PMM2: variants seen among roughly 807,000 people sequenced by gnomAD.
PMM2 encodes the protein phosphomannomutase 2, also known as mannose-6-phosphate isomerase.
PMM2 carries 35 observed loss-of-function variants against 33.2 expected under a neutral mutation model. The ratio of observed to expected loss-of-function variants is 1.06; its 90% CI spans 0.81 to 1.40. PMM2 has a LOEUF of 1.40. PMM2 is among the 40% of genes most tolerant of loss of function. The probability of loss-of-function intolerance (pLI) is 0.00; values close to 1 mark genes in which losing one functional copy is unlikely to be tolerated. For synonymous variants in PMM2, 153 were observed against 114.7 expected, an observed-to-expected ratio of 1.33 and a Z score of -2.13; for missense variants, 386 against 306.0, an observed-to-expected ratio of 1.26 and a Z score of -1.95.
At chr16:8,835,878 G>A (rs995402000) in intron 7 of PMM2, among the ~76,000 whole-genome samples, 13 of 151,956 alleles carry the variant, frequency 8.6e-5, no homozygotes, top group East Asian at 5.8e-4. Flanking sequence ...TAAGGTTGGG[G>A]GATACAAGAG....
chr16:8,836,486 G>C lies in PMM2; in HGVS notation c.640-11238G>C, dbSNP rs937270036. On this transcript the variant is annotated intron_variant, in intron 7 of 7. Coordinates refer to ENST00000268261, the MANE Select transcript of PMM2 (RefSeq NM_000303.3). ...TTTCCAGCACGTGTAGCAAGCTCCTGGGGGAGGAGGTTCTGGAGGAACGCC... is the reference window on the plus strand; with the variant it reads ...TTTCCAGCACGTGTAGCAAGCTCCTCGGGGAGGAGGTTCTGGAGGAACGCC... Among the ~76,000 whole-genome samples the C allele has an allele frequency of 6.6e-5, 10 of 152,184 alleles. No individual in the cohort carries two copies. The East Asian group carries it at 1.9e-3, about 29-fold the overall frequency.
rs923499720 is a variant in PMM2 at position 8,847,804 on chromosome 16, C to A, written c.720C>A (p.Ile240=). The A allele has an allele frequency of 1.9e-6, 3 of 1,613,040 alleles. No homozygotes were observed. Among genetic ancestry groups the A allele is most frequent in the East Asian group, 2.2e-5 (1 of 44,902 alleles). The change falls in exon 8 of 8, where the codon ATC becomes ATA. Residue 240 remains isoleucine (I), a synonymous_variant. Transcript: ENST00000268261. ...SVTAPEDTRR[I]CELLFS ...CAGCGCCTGAGGACACGCGCAGGAT[C>A]TGTGAACTGCTGTTCTCCTAACGTG...
intron 6 of PMM2, among the ~76,000 whole-genome samples, chr16:8,812,346 C>T (rs974437712): frequency 6.6e-6 from 1 of 152,188 alleles, no homozygotes; most frequent in Admixed American, 6.5e-5. Flanking sequence ...CTTTGCACAC[C>T]GATTTCTCTT....
At position 8,849,317 on chromosome 16, in the gene PMM2, T is replaced by A. The variant is rs2060950767; in HGVS notation, c.*1492T>A. On this transcript the variant is annotated 3_prime_UTR_variant, in exon 8 of 8. Transcript: ENST00000268261. The stretch of plus-strand genomic sequence containing the variant: ...GTGAAGAGTAGCACATTAAAGTGAT[T>A]TTATTGTTTCCTGTTTCTCATTCCG... The A allele has an allele frequency of 6.6e-6, 1 of 152,218 alleles. No homozygotes were observed. Among genetic ancestry groups the A allele is most frequent in the Non-Finnish European group, 1.5e-5 (1 of 68,036 alleles). The allele number at this position is 152,218 out of a possible 1,614,324, so 9.4% of individuals were successfully genotyped here.
rs377683162 is a variant in PMM2 at position 8,813,102 on chromosome 16, T to G, written c.635T>G (p.Met212Arg). The change falls in exon 7 of 8, where the codon ATG becomes AGG. Residue 212 changes from methionine (M) to arginine (R), a missense_variant. Transcript: ENST00000268261. Reference protein sequence around the residue: ...KTIYFFGDKTMPGGNDHEIFT... With the variant: ...KTIYFFGDKTRPGGNDHEIFT... ...ATTTATTTCTTTGGAGACAAAACTATGCCAGTAAGTAGAGAAGTGTTTGTG... is the reference window on the plus strand; with the variant it reads ...ATTTATTTCTTTGGAGACAAAACTAGGCCAGTAAGTAGAGAAGTGTTTGTG... 6.4e-7 allele frequency: 1 copy of G among 1,564,026 alleles called. No homozygotes were observed. The highest frequency in any genetic ancestry group is 1.7e-5 in the Admixed American group (1 of 59,972).
At chr16:8,810,208 A>C (rs1373434396) in intron 4 of PMM2, 1 of 152,228 alleles carries the variant, frequency 6.6e-6, no homozygotes, top group Non-Finnish European at 1.5e-5. Flanking sequence ...GCTGTCTGCT[A>C]CTGGGTAAAT....
chr16:8,802,009 A>G (rs1198548094), intron 2 of PMM2, 99 bp downstream of exon 2: 2 of 829,794 alleles, frequency 2.4e-6, no homozygotes, highest in Admixed American at 2.0e-5. Flanking sequence ...TTGTCCCCAT[A>G]TGGCGGGCTT....
At chr16:8,838,934 G>A (rs1035346960) in intron 7 of PMM2, among the ~76,000 whole-genome samples, 1 of 151,946 alleles carries the variant, frequency 6.6e-6, no homozygotes, top group Non-Finnish European at 1.5e-5. Context: ...GAGTAAGCAA[G>A]GCCTCGGTGG....
At chr16:8,800,945 A>G (rs923931249) in intron 1 of PMM2, among the ~76,000 whole-genome samples, 2 of 152,228 alleles carry the variant, frequency 1.3e-5, no homozygotes, top group African/African-American at 4.8e-5. Context: ...GGCCTCCTAA[A>G]GTGCCGGGAT....
Position 8,834,002 on chromosome 16 carries a change from A to G in PMM2, c.640-13722A>G, listed in dbSNP as rs188315800. Among the ~76,000 whole-genome samples the G allele has an allele frequency of 9.9e-4, 149 of 151,242 alleles. 5 individuals carry two copies. Among genetic ancestry groups the G allele is most frequent in the Middle Eastern group, 3.4e-3 (1 of 294 alleles). On this transcript the variant is annotated intron_variant, in intron 7 of 7. Coordinates refer to ENST00000268261, the MANE Select transcript of PMM2 (RefSeq NM_000303.3). ...GAGTAGTTGAGAATGGCGAATAGGAATATGACTAGACAGGAGATAGTAGGG... is the reference window on the plus strand; with the variant it reads ...GAGTAGTTGAGAATGGCGAATAGGAGTATGACTAGACAGGAGATAGTAGGG...
At chr16:8,839,872 G>T (rs1266779043) in intron 7 of PMM2, among the ~76,000 whole-genome samples, 1 of 16,012 alleles carries the variant, frequency 6.2e-5, no homozygotes, top group Non-Finnish European at 2.0e-4. Flanking sequence ...AATATGGGGG[G>T]AGAAAGGAGA....
In PMM2 at chr16:8,848,019, C is replaced by A; in HGVS notation, c.*194C>A. 1.7e-6 allele frequency: 1 copy of A among 598,668 alleles called. No homozygotes were observed. The highest frequency in any genetic ancestry group is 2.9e-5 in the East Asian group (1 of 34,874). The allele number at this position is 598,668 out of a possible 1,614,324, so 37.1% of individuals were successfully genotyped here. A position where few individuals can be genotyped will look rare whatever the true frequency, so the allele number is the denominator to read the frequency against. ...CCAGAAGGAAGGAGAAAACTCTTGTCAAGAATGGCCCAGAGGAATGCCTCG... is the reference window on the plus strand; with the variant it reads ...CCAGAAGGAAGGAGAAAACTCTTGTAAAGAATGGCCCAGAGGAATGCCTCG... On this transcript the variant is annotated 3_prime_UTR_variant, in exon 8 of 8. Transcript: ENST00000268261.
At chr16:8,834,262 T>C (rs572264477) in intron 7 of PMM2, among the ~76,000 whole-genome samples, 1 of 152,156 alleles carries the variant, frequency 6.6e-6, no homozygotes, top group Admixed American at 6.5e-5. Flanking sequence ...ATTCTACCTT[T>C]CCTGAAGATT....
intron 2 of PMM2, among the ~76,000 whole-genome samples, chr16:8,803,419 T>C (rs2060627057): frequency 6.6e-6 from 1 of 152,228 alleles, no homozygotes; most frequent in Non-Finnish European, 1.5e-5. Context: ...TTTTGTGTAG[T>C]GTAGCATAGT....
intron 7 of PMM2, among the ~76,000 whole-genome samples, chr16:8,819,620 A>G (rs1242128398): frequency 6.6e-6 from 1 of 151,790 alleles, no homozygotes; most frequent in African/African-American, 2.4e-5. Flanking sequence ...ACTTGAGCCT[A>G]GGAGTTCAAG....
chr16:8,844,743 TCTC>T (rs909067737), intron 7 of PMM2, among the ~76,000 whole-genome samples: 39 of 151,998 alleles, frequency 2.6e-4, no homozygotes, highest in African/African-American at 8.9e-4. Flanking sequence ...AGATAAAACG[TCTC>T]CTTTGTCTCT....
intron 7 of PMM2, chr16:8,847,507 C>T: frequency 1.8e-6 from 1 of 569,298 alleles, no homozygotes; most frequent in Non-Finnish European, 3.2e-6. Flanking sequence ...ATTACGTGTT[C>T]CAAGCCAAAT....
Position 8,812,528 on chromosome 16 carries a change from G to A in PMM2, c.524-463G>A, listed in dbSNP as rs116522649. Among the ~76,000 whole-genome samples, 420 of 152,238 alleles carry A rather than the reference G, an allele frequency of 2.8e-3. 3 individuals are homozygous for A. Among genetic ancestry groups the A allele is most frequent in the African/African-American group, 9.3e-3 (387 of 41,554 alleles). The stretch of plus-strand genomic sequence containing the variant: ...CATCTTTCTGACAAAGCTTTGAAAG[G>A]GTTTTTGTTGCCCGTGAGCACTGCC... On this transcript the variant is annotated intron_variant, in intron 6 of 7. Transcript: ENST00000268261.
At chr16:8,805,179 C>G (rs187811800) in intron 3 of PMM2, among the ~76,000 whole-genome samples, 1 of 152,126 alleles carries the variant, frequency 6.6e-6, no homozygotes, top group Non-Finnish European at 1.5e-5. Context: ...ACAATTCTTA[C>G]GCCTCAGCCT....
Sources: allele counts gnomAD v4.1 joint callset (sites outside exome capture counted in the v4.1 genomes callset), GRCh38; gene constraint gnomAD v4.1.1; transcripts MANE v1.5; gene names NCBI Gene and HGNC (gene_info 2026-07-23, HGNC 2026-07-21).